Variants in ITPR1 observed in about 807,000 individuals in gnomAD.
The protein encoded by ITPR1 is inositol 1,4,5-trisphosphate receptor type 1, also known as inositol 1,4,5-trisphosphate-gated calcium channel ITPR1.
A neutral mutation model predicts 318.4 loss-of-function variants in ITPR1; 96 were observed. That is an observed-to-expected ratio of 0.30 (90% CI 0.26 to 0.36). The LOEUF is 0.36. Among genes scored for constraint, ITPR1 ranks in the 10% least tolerant of loss-of-function variants. ITPR1 has a pLI of 1.00. For missense variants in ITPR1, 2,440 were observed against 3,460.2 expected (o/e 0.71, Z 7.40); for synonymous variants, 1,312 against 1,289.9 (o/e 1.02, Z -0.37).
At chr3:4,602,302 T>C (rs746269623) in intron 4 of ITPR1, among the ~76,000 whole-genome samples, 2 of 152,104 alleles carry the variant, frequency 1.3e-5, no homozygotes, top group Non-Finnish European at 2.9e-5. Context: ...GGTGGATTGC[T>C]TGGGCCCAGG....
intron 4 of ITPR1, among the ~76,000 whole-genome samples, chr3:4,618,940 T>G (rs1344257648): frequency 6.6e-6 from 1 of 152,232 alleles, no homozygotes; most frequent in Non-Finnish European, 1.5e-5. Flanking sequence ...TAAAAACTGT[T>G]CTCTCCATTT....
At chr3:4,532,639 G>A (rs958242600) in intron 4 of ITPR1, among the ~76,000 whole-genome samples, 16 of 152,096 alleles carry the variant, frequency 1.1e-4, no homozygotes, top group African/African-American at 1.9e-4. Context: ...CAAAAGTATC[G>A]GGATTACAGG....
At position 4,801,004 on chromosome 3, in the gene ITPR1, G is replaced by A. The variant is rs183675679; in HGVS notation, c.7107+404G>A. 2.8e-3 allele frequency among the ~76,000 whole-genome samples: 427 copies of A among 152,324 alleles called. 1 individual carries two copies. Among genetic ancestry groups the A allele is most frequent in the Non-Finnish European group, 3.8e-3 (260 of 68,036 alleles). On this transcript the variant is annotated intron_variant, in intron 54 of 61. Coordinates refer to ENST00000649015, the MANE Select transcript of ITPR1 (RefSeq NM_001378452.1). ...TCTGGAAAGGGCCACATAGAAAAGA[G>A]GGGATAGGTAAGAGGGCCTGGCCAA... is the stretch of plus-strand genomic sequence containing the variant.
At chr3:4,750,968 T>A (rs2044464629) in intron 44 of ITPR1, 1 of 153,050 alleles carries the variant, frequency 6.5e-6, no homozygotes. Flanking sequence ...GAGAGAGACC[T>A]ATCCTAGGAG....
At chr3:4,509,341 GGGGATAAAAGTTAGAGTATCTTTCCA>G (rs2081627014) in intron 2 of ITPR1, among the ~76,000 whole-genome samples, 1 of 152,190 alleles carries the variant, frequency 6.6e-6, no homozygotes, top group Non-Finnish European at 1.5e-5. Flanking sequence ...GATGGTCAAT[GGGGATAAAAGTTAGAGTATCTTTCCA>G]GGGATAAAAG....
chr3:4,623,878 A>G (rs961445917), intron 4 of ITPR1, among the ~76,000 whole-genome samples: 3 of 152,194 alleles, frequency 2.0e-5, no homozygotes, highest in African/African-American at 7.2e-5. Context: ...AATGCAATGC[A>G]ATACTCTGTT....
chr3:4,530,671 C>T (rs899916153), intron 4 of ITPR1, among the ~76,000 whole-genome samples: 1 of 152,140 alleles, frequency 6.6e-6, no homozygotes, highest in African/African-American at 2.4e-5. Context: ...GTCCCTGCTA[C>T]ACAGGAGGCT....
chr3:4,701,765 A>G (rs559206244), intron 35 of ITPR1, among the ~76,000 whole-genome samples: 1 of 148,764 alleles, frequency 6.7e-6, no homozygotes, highest in East Asian at 1.9e-4. Context: ...TGAGGCCTGA[A>G]TGAGATCATA....
intron 40 of ITPR1, among the ~76,000 whole-genome samples, chr3:4,722,912 C>A (rs2042263717): frequency 6.6e-6 from 1 of 152,138 alleles, no homozygotes; most frequent in Non-Finnish European, 1.5e-5. Context: ...ACTTTGGGAG[C>A]CCGAGGCAGG....
At chr3:4,650,469 T>TTTG (rs1444319423) in intron 10 of ITPR1, among the ~76,000 whole-genome samples, 15 of 152,334 alleles carry the variant, frequency 9.8e-5, no homozygotes, top group African/African-American at 3.6e-4. Context: ...GCTTGCATCA[T>TTTG]TTGTGATTAT....
chr3:4,705,582 C>A (rs1286532221), intron 36 of ITPR1, among the ~76,000 whole-genome samples: 1 of 152,204 alleles, frequency 6.6e-6, no homozygotes, highest in Non-Finnish European at 1.5e-5. Flanking sequence ...ACAGTCTTGA[C>A]AAGTACTAGT....
chr3:4,835,068 G>A (rs2050799067), intron 60 of ITPR1, among the ~76,000 whole-genome samples: 1 of 152,136 alleles, frequency 6.6e-6, no homozygotes, highest in Admixed American at 6.5e-5. Flanking sequence ...GTATACTAAG[G>A]TGGTTCCTGC....
At chr3:4,790,669 G>A (rs1043931036) in intron 52 of ITPR1, among the ~76,000 whole-genome samples, 12 of 152,054 alleles carry the variant, frequency 7.9e-5, no homozygotes, top group Non-Finnish European at 1.0e-4. Flanking sequence ...CATTCATTTC[G>A]CTGTTTTACC....
intron 44 of ITPR1, among the ~76,000 whole-genome samples, chr3:4,763,827 C>T (rs933268329): frequency 1.3e-5 from 2 of 152,262 alleles, no homozygotes; most frequent in Admixed American, 1.3e-4. Context: ...GATTGGCCGT[C>T]AGACAGCGCG....
At chr3:4,567,315 C>A (rs138224587) in intron 4 of ITPR1, among the ~76,000 whole-genome samples, 1 of 152,118 alleles carries the variant, frequency 6.6e-6, no homozygotes, top group Non-Finnish European at 1.5e-5. Flanking sequence ...GGATAAAAGA[C>A]GTGATTGCTA....
At chr3:4,818,309 G>A (rs1197043464) in intron 60 of ITPR1, 67 bp downstream of exon 60, 12 of 1,302,588 alleles carry the variant, frequency 9.2e-6, no homozygotes, top group South Asian at 1.7e-5. Context: ...CAAGGCCCCA[G>A]CAGCCCATCG....
chr3:4,535,881 C>T (rs1207837379), intron 4 of ITPR1, among the ~76,000 whole-genome samples: 1 of 152,126 alleles, frequency 6.6e-6, no homozygotes, highest in African/African-American at 2.4e-5. Flanking sequence ...TCTGCCTCCC[C>T]CAACTCCACA....
intron 2 of ITPR1, among the ~76,000 whole-genome samples, chr3:4,501,936 C>A (rs534299631): frequency 1.3e-5 from 2 of 152,168 alleles, no homozygotes; most frequent in South Asian, 2.1e-4. Flanking sequence ...TGATATAATG[C>A]GGCTTATCAG....
In ITPR1 at chr3:4,779,137, A is replaced by G. The variant is rs2046658218; in HGVS notation, c.6292-413A>G. Among the ~76,000 whole-genome samples the G allele has an allele frequency of 6.6e-6, 1 of 152,264 alleles. No individual in the cohort carries two copies. Reference sequence around the variant, plus strand: ...TGTCTTCTCTGGCCTGCAAGGCCAAATAACAGTTTGTAACCACACCTGCCC... The same window carrying G: ...TGTCTTCTCTGGCCTGCAAGGCCAAGTAACAGTTTGTAACCACACCTGCCC... On this transcript the variant is annotated intron_variant, in intron 48 of 61. Coordinates refer to ENST00000649015, the MANE Select transcript of ITPR1 (RefSeq NM_001378452.1). The surrounding 1 kb of genome is among the most constrained non-coding windows in gnomAD (Gnocchi z 4.0).
Sources: allele counts gnomAD v4.1 joint callset (sites outside exome capture counted in the v4.1 genomes callset), GRCh38; gene constraint gnomAD v4.1.1; non-coding constraint Gnocchi (gnomAD v3.1); transcripts MANE v1.5; gene names NCBI Gene and HGNC (gene_info 2026-07-23, HGNC 2026-07-21).